MAP3K5: variants seen among roughly 807,000 people sequenced by gnomAD.
MAP3K5 encodes the protein ASK-1.
MAP3K5 carries 56 observed loss-of-function variants against 158.7 expected under a neutral mutation model. The ratio of observed to expected loss-of-function variants is 0.35; its 90% CI spans 0.28 to 0.44. MAP3K5 has a LOEUF of 0.44. MAP3K5 is among the 20% of genes least tolerant of loss of function. The probability of loss-of-function intolerance (pLI) is 1.00; values close to 1 mark genes in which losing one functional copy is unlikely to be tolerated. For missense variants in MAP3K5, 1,294 were observed against 1,674.8 expected (o/e 0.77, Z 3.97); for synonymous variants, 579 against 601.7 (o/e 0.96, Z 0.55).
Position 136,605,248 on chromosome 6 carries a change from TG to T in MAP3K5, c.2639del (p.Pro880HisfsTer37). 6.2e-7 allele frequency: 1 copy of T among 1,614,070 alleles called. No individual in the cohort carries two copies. On this transcript the variant is annotated frameshift_variant, in exon 19 of 30. Transcript: ENST00000359015. LOFTEE classifies it high-confidence loss of function. ...CTTGTGGTTCTCCCAGTTCATAAAA[TG>T]GGGGTTTTCCTGTGGCCATTTCAAT... ...TIIEMATGKP[P>X]FYELGEPQAA...
chr6:136,687,145 A>G (rs1233383541), intron 7 of MAP3K5, among the ~76,000 whole-genome samples: 2 of 152,222 alleles, frequency 1.3e-5, no homozygotes, highest in East Asian at 3.8e-4. Context: ...CTGATCTTTG[A>G]CAAACCTGAC....
Position 136,698,773 on chromosome 6 carries a change from C to CA in MAP3K5, c.613-92dup, listed in dbSNP as rs1325530902. ...ACGTCTTACTCATTTTAAATAATTC[C>CA]AAATGCAAAGGGAAATAGAAAAGCC... is the stretch of plus-strand genomic sequence containing the variant. On this transcript the variant is annotated intron_variant, in intron 3 of 29. Coordinates refer to ENST00000359015, the MANE Select transcript of MAP3K5 (RefSeq NM_005923.4). 2.5e-5 allele frequency: 21 copies of CA among 849,126 alleles called. No homozygotes were observed. In the African/African-American group the frequency reaches 3.1e-4, roughly 12 times the overall value. 52.6% of individuals were successfully genotyped at this position (849,126 alleles called of 1,614,324 possible).
At chr6:136,611,794 G>C (rs1002221158) in intron 17 of MAP3K5, among the ~76,000 whole-genome samples, 3 of 152,160 alleles carry the variant, frequency 2.0e-5, no homozygotes, top group African/African-American at 7.2e-5. Flanking sequence ...CTAATGAAAG[G>C]CCACCAGGTT....
chr6:136,689,290 A>C (rs561228506), intron 7 of MAP3K5, among the ~76,000 whole-genome samples: 1 of 152,368 alleles, frequency 6.6e-6, no homozygotes, highest in East Asian at 1.9e-4. Context: ...ACAGAGCAAG[A>C]CACTATTTCT....
chr6:136,609,197 T>C lies in MAP3K5; in HGVS notation c.2521+2085A>G, dbSNP rs561570846. 1.1e-4 allele frequency among the ~76,000 whole-genome samples: 16 copies of C among 152,284 alleles called. No individual in the cohort carries two copies. Among genetic ancestry groups the C allele is most frequent in the Admixed American group, 5.9e-4 (9 of 15,310 alleles). On this transcript the variant is annotated intron_variant, in intron 18 of 29. Coordinates refer to ENST00000359015, the MANE Select transcript of MAP3K5 (RefSeq NM_005923.4). This position sits in a 1 kb window ranked among gnomAD's most constrained non-coding sequence, Gnocchi z 4.4. ...GATTTTCCTCTCAGAAATTACTGAGTCTTGACAGCACTGAAACTGCTGCTT... is the reference window on the plus strand; with the variant it reads ...GATTTTCCTCTCAGAAATTACTGAGCCTTGACAGCACTGAAACTGCTGCTT...
chr6:136,650,702 A>C (rs1050390111), intron 11 of MAP3K5, among the ~76,000 whole-genome samples: 10 of 152,234 alleles, frequency 6.6e-5, no homozygotes, highest in Non-Finnish European at 1.5e-4. Context: ...TTACGGCATG[A>C]ATTTACAAAA....
chr6:136,689,443 T>C (rs1253291931), intron 7 of MAP3K5, among the ~76,000 whole-genome samples: 1 of 152,220 alleles, frequency 6.6e-6, no homozygotes, highest in Admixed American at 6.5e-5. Context: ...CCCAAGTGTT[T>C]CTCCTTCTCC....
chr6:136,782,721 A>G (rs1784669540), intron 1 of MAP3K5, among the ~76,000 whole-genome samples: 1 of 152,230 alleles, frequency 6.6e-6, no homozygotes, highest in Non-Finnish European at 1.5e-5. Flanking sequence ...CTATGATTTT[A>G]TTAAATAGGA....
intron 2 of MAP3K5, among the ~76,000 whole-genome samples, chr6:136,707,211 A>C (rs957884671): frequency 1.3e-5 from 2 of 152,242 alleles, no homozygotes; most frequent in African/African-American, 4.8e-5. Context: ...CTGATAGAAA[A>C]GGGACATGTA....
At chr6:136,603,470 G>A (rs757164384) in intron 19 of MAP3K5, among the ~76,000 whole-genome samples, 3 of 151,738 alleles carry the variant, frequency 2.0e-5, no homozygotes, top group East Asian at 1.9e-4. Context: ...GAGCCACCAC[G>A]CTTGGCTGAC....
intron 2 of MAP3K5, among the ~76,000 whole-genome samples, chr6:136,705,595 G>A (rs1208806367): frequency 2.0e-5 from 3 of 152,130 alleles, no homozygotes; most frequent in Admixed American, 6.5e-5. Flanking sequence ...TGCGAGCCAC[G>A]ATGCCCGGCC....
intron 1 of MAP3K5, among the ~76,000 whole-genome samples, chr6:136,752,687 T>C (rs182306044): frequency 1.8e-4 from 27 of 152,298 alleles, no homozygotes; most frequent in Middle Eastern, 3.4e-3. Context: ...GCTGGGATTA[T>C]GGGTGTGAGC....
intron 14 of MAP3K5, chr6:136,629,167 T>C (rs1002439399): frequency 2.6e-5 from 4 of 152,172 alleles, no homozygotes; most frequent in African/African-American, 9.7e-5. Flanking sequence ...GAAGGCAACA[T>C]TGACAAGGCC....
intron 11 of MAP3K5, among the ~76,000 whole-genome samples, chr6:136,646,799 G>T (rs556343674): frequency 6.6e-5 from 10 of 152,274 alleles, no homozygotes; most frequent in Admixed American, 5.9e-4. Flanking sequence ...ATATTGCACT[G>T]CACTTTAAAG....
chr6:136,705,807 C>T (rs988242316), intron 2 of MAP3K5, among the ~76,000 whole-genome samples: 1 of 152,172 alleles, frequency 6.6e-6, no homozygotes, highest in African/African-American at 2.4e-5. Context: ...TTTCCCTAAG[C>T]ACAATGTCTC....
intron 1 of MAP3K5, among the ~76,000 whole-genome samples, chr6:136,743,783 C>T (rs914678594): frequency 6.6e-6 from 1 of 152,128 alleles, no homozygotes; most frequent in African/African-American, 2.4e-5. Context: ...TTGGAAGCAA[C>T]CAAGATGTCT....
chr6:136,608,260 T>C (rs1776184723), intron 18 of MAP3K5, among the ~76,000 whole-genome samples: 1 of 151,836 alleles, frequency 6.6e-6, no homozygotes, highest in Admixed American at 6.6e-5. Flanking sequence ...TGACATTTGT[T>C]TACTCTGAAC....
At position 136,601,347 on chromosome 6, in the gene MAP3K5, AT is replaced by A. The variant is rs769308231; in HGVS notation, c.2858-306del. On this transcript the variant is annotated intron_variant, in intron 20 of 29. Coordinates refer to ENST00000359015, the MANE Select transcript of MAP3K5 (RefSeq NM_005923.4). ...TCCTTCTTGCCTTTTTTTGGGTGTA[AT>A]TATTCAGAAGTATATACCCTAAGAG... 2.0e-5 allele frequency among the ~76,000 whole-genome samples: 3 copies of A among 151,692 alleles called. No individual in the cohort carries two copies. In the South Asian group the frequency reaches 6.3e-4, roughly 32 times the overall value.
intron 1 of MAP3K5, among the ~76,000 whole-genome samples, chr6:136,736,035 A>G (rs1374755996): frequency 6.6e-6 from 1 of 152,100 alleles, no homozygotes; most frequent in Non-Finnish European, 1.5e-5. Flanking sequence ...ACTCCTGTAG[A>G]AACTAAATTA....
Sources: gnomAD v4.1 joint callset for allele counts (sites outside exome capture counted in the v4.1 genomes callset) on GRCh38, gnomAD v4.1.1 for gene constraint, Gnocchi (gnomAD v3.1) non-coding constraint, MANE v1.5 for transcripts, NCBI Gene and HGNC (gene_info 2026-07-23, HGNC 2026-07-21) for gene names.